The following BTBD1 variants were observed in gnomAD, a reference collection of about 807,000 sequenced individuals.
The protein encoded by BTBD1 is BTB/POZ domain-containing protein 1.
In BTBD1, 34 loss-of-function variants were observed where a neutral mutation model predicts 48.0. The ratio of observed to expected loss-of-function variants is 0.71; its 90% confidence interval spans 0.54 to 0.94. The LOEUF is 0.94. Among genes scored for constraint, BTBD1 ranks in the 40% least tolerant of loss-of-function variants. The pLI is 0.00. For missense variants in BTBD1, 543 were observed against 625.6 expected (o/e 0.87, Z 1.41); for synonymous variants, 261 against 242.1 (o/e 1.08, Z -0.72).
At chr15:83,021,602 C>T (rs572996129) in intron 5 of BTBD1, among the ~76,000 whole-genome samples, 1 of 152,146 alleles carries the variant, frequency 6.6e-6, no homozygotes, top group South Asian at 2.1e-4. Flanking sequence ...AAAAATATAA[C>T]AGTTAGCTGG....
intron 5 of BTBD1, among the ~76,000 whole-genome samples, chr15:83,023,478 C>T (rs1037926439): frequency 6.6e-6 from 1 of 152,172 alleles, no homozygotes; most frequent in African/African-American, 2.4e-5. Context: ...CTCTTGGGCT[C>T]AGGCGACCCT....
At chr15:83,035,973 A>G (rs1347128447) in intron 4 of BTBD1, among the ~76,000 whole-genome samples, 2 of 152,084 alleles carry the variant, frequency 1.3e-5, no homozygotes, top group Non-Finnish European at 2.9e-5. Flanking sequence ...AAATCCAGTA[A>G]TATATAAAAA....
In BTBD1 at chr15:83,018,129, C is replaced by T; in HGVS notation, c.1387G>A (p.Gly463Ser). The T allele has an allele frequency of 6.2e-7, 1 of 1,610,218 alleles. No individual in the cohort carries two copies. Among genetic ancestry groups the T allele is most frequent in the Non-Finnish European group, 8.5e-7 (1 of 1,177,986 alleles). Residue 463 changes from glycine (G) to serine (S), a missense_variant, in exon 8 of 8, where the codon GGC becomes AGC. Coordinates refer to ENST00000261721, the MANE Select transcript of BTBD1 (RefSeq NM_025238.4). ...TCTATTGAAGTGCCATTATTATTGC[C>T]AGGGGAACTAAAAAAGAAAAAAACA... ...KTVFFFFSSP[G>S]NNNGTSIEDG...
intron 4 of BTBD1, among the ~76,000 whole-genome samples, chr15:83,038,021 T>G (rs1367414796): frequency 6.6e-6 from 1 of 151,976 alleles, no homozygotes; most frequent in East Asian, 1.9e-4. Flanking sequence ...GAGGCAGAGG[T>G]TGCAGTGAGC....
chr15:83,064,308 G>C (rs996444066), intron 1 of BTBD1, among the ~76,000 whole-genome samples: 4 of 151,272 alleles, frequency 2.6e-5, no homozygotes, highest in Admixed American at 6.6e-5. Context: ...TTTCAAAATA[G>C]AACAATGACC....
At position 83,017,947 on chromosome 15, in the gene BTBD1, CTG is replaced by C. The variant is rs1487375611; in HGVS notation, c.*118_*119del. On this transcript the variant is annotated 3_prime_UTR_variant, in exon 8 of 8. Coordinates refer to ENST00000261721, the MANE Select transcript of BTBD1 (RefSeq NM_025238.4). ...GCATTTTTCTATCTGCTCTAAGAAA[CTG>C]TTTCTTATCTTACAATTTTAAATAT... The C allele has an allele frequency of 1.2e-5, 7 of 579,446 alleles. No homozygotes were observed. Among genetic ancestry groups the C allele is most frequent in the South Asian group, 4.6e-5 (1 of 21,668 alleles). The allele number at this position is 579,446 out of a possible 1,614,324, so 35.9% of individuals were successfully genotyped here.
intron 3 of BTBD1, chr15:83,044,744 T>C: frequency 1.4e-6 from 2 of 1,456,076 alleles, no homozygotes; most frequent in Admixed American, 3.4e-5. Flanking sequence ...ATGTCGCCTG[T>C]ACTCGGATCT....
chr15:83,033,062 T>C (rs2032555588), intron 4 of BTBD1, among the ~76,000 whole-genome samples: 1 of 151,242 alleles, frequency 6.6e-6, no homozygotes, highest in Non-Finnish European at 1.5e-5. Context: ...AAAAATATCC[T>C]TCAAAAATGA....
Position 83,067,203 on chromosome 15 carries a change from C to CCAGGCCG in BTBD1, c.-59_-53dup. 3.0e-6 allele frequency: 4 copies of CCAGGCCG among 1,345,626 alleles called. No individual in the cohort carries two copies. The South Asian group carries it at 7.8e-5, about 26-fold the overall frequency. The allele number at this position is 1,345,626 out of a possible 1,614,324, so 83.4% of individuals were successfully genotyped here. A position where few individuals can be genotyped will look rare whatever the true frequency, so the allele number is the denominator to read the frequency against. On this transcript the variant is annotated 5_prime_UTR_variant, in exon 1 of 8. Transcript: ENST00000261721. ...ATGGACAAAACTCCGCCGCCATCGC[C>CCAGGCCG]CAGGCCGCCTCCGGAGGCCGGCGCT...
intron 3 of BTBD1, 39 bp from the exon 4 acceptor site, chr15:83,041,964 T>C (rs1187460484): frequency 6.3e-7 from 1 of 1,576,732 alleles, no homozygotes; most frequent in Non-Finnish European, 8.7e-7. Context: ...TTAGAAATAT[T>C]TTAGCTCTCT....
chr15:83,052,756 G>A (rs1053543929), intron 2 of BTBD1, among the ~76,000 whole-genome samples: 7 of 145,564 alleles, frequency 4.8e-5, no homozygotes, highest in African/African-American at 1.5e-4. Context: ...TCAGCCTCCC[G>A]AGTAGCTGGG....
At chr15:83,053,410 T>TC (rs1226455754) in intron 2 of BTBD1, among the ~76,000 whole-genome samples, 4 of 152,194 alleles carry the variant, frequency 2.6e-5, no homozygotes, top group Admixed American at 6.5e-5. Context: ...GTTTTTTTTT[T>TC]CTCATAGTGA....
At chr15:83,058,663 G>A (rs1053438463) in intron 1 of BTBD1, among the ~76,000 whole-genome samples, 1 of 152,074 alleles carries the variant, frequency 6.6e-6, no homozygotes, top group Non-Finnish European at 1.5e-5. Context: ...CAAGGTAGCA[G>A]TCTAGAAGTC....
chr15:83,039,990 CACACACACACACACACACACACACACGG>C (rs905690335), intron 4 of BTBD1, among the ~76,000 whole-genome samples: 11 of 148,664 alleles, frequency 7.4e-5, no homozygotes, highest in Non-Finnish European at 1.5e-4. Context: ...ATGTGACACA[CACACACACACACACACACACACACACGG>C]ACACACACAC....
intron 5 of BTBD1, 137 bp downstream of exon 5, chr15:83,029,999 A>T: frequency 1.2e-6 from 1 of 841,702 alleles, no homozygotes; most frequent in Non-Finnish European, 1.9e-6. Context: ...CTTGACTCCT[A>T]TATTAACTTA....
chr15:83,067,227 C>G lies in BTBD1; in HGVS notation c.-76G>C. On this transcript the variant is annotated 5_prime_UTR_variant, in exon 1 of 8. Coordinates refer to ENST00000261721, the MANE Select transcript of BTBD1 (RefSeq NM_025238.4). The stretch of plus-strand genomic sequence containing the variant: ...CCCAGGCCGCCTCCGGAGGCCGGCG[C>G]TGCCTCCCTGCCTTCCGGGAAAGGC... 1 of 1,289,810 alleles carries G rather than the reference C, an allele frequency of 7.8e-7. No homozygotes were observed. The highest frequency in any genetic ancestry group is 2.2e-5 in the South Asian group (1 of 45,264). The allele number at this position is 1,289,810 out of a possible 1,614,324, so 79.9% of individuals were successfully genotyped here.
In BTBD1 at chr15:83,017,356, A is replaced by G. The variant is rs951898761; in HGVS notation, c.*711T>C. The G allele has an allele frequency of 1.3e-5, 2 of 152,662 alleles. No individual in the cohort carries two copies. Among genetic ancestry groups the G allele is most frequent in the African/African-American group, 4.8e-5 (2 of 41,476 alleles). 9.5% of individuals were successfully genotyped at this position (152,662 alleles called of 1,614,324 possible). On this transcript the variant is annotated 3_prime_UTR_variant, in exon 8 of 8. Transcript: ENST00000261721. Reference sequence around the variant, plus strand: ...AGGTATAGTGGTGCAGTTTAGTGACAGGGAATCCAGTCTTAGATCCTGTTT... The same window carrying G: ...AGGTATAGTGGTGCAGTTTAGTGACGGGGAATCCAGTCTTAGATCCTGTTT...
intron 4 of BTBD1, among the ~76,000 whole-genome samples, chr15:83,040,712 A>AAAC (rs1555440098): frequency 5.5e-4 from 83 of 151,578 alleles, no homozygotes; most frequent in Non-Finnish European, 1.0e-3. Flanking sequence ...AAAAAAAAAA[A>AAAC]AAAAAAAAAC....
At chr15:83,018,564 G>T in intron 7 of BTBD1, 143 bp downstream of exon 7, 1 of 875,428 alleles carries the variant, frequency 1.1e-6, no homozygotes, top group South Asian at 2.1e-5. Context: ...CTTCTTTTCG[G>T]AAGGCAGTGG....
Sources: gnomAD v4.1 joint callset for allele counts (sites outside exome capture counted in the v4.1 genomes callset) on GRCh38, gnomAD v4.1.1 for gene constraint, MANE v1.5 for transcripts, NCBI Gene and HGNC (gene_info 2026-07-23, HGNC 2026-07-21) for gene names.